KCNH7: variants seen among roughly 807,000 people sequenced by gnomAD.
KCNH7 encodes potassium voltage-gated channel subfamily H member 7.
In KCNH7, 49 loss-of-function variants were observed where a neutral mutation model predicts 120.8. The ratio of observed to expected loss-of-function variants is 0.41; its 90% CI spans 0.32 to 0.51. KCNH7 has a LOEUF of 0.51. Ranked by LOEUF, KCNH7 falls within the 20% of genes least tolerant of loss-of-function variation. KCNH7 has a pLI of 0.38. For synonymous variants in KCNH7, 547 were observed against 516.1 expected (o/e 1.06, Z -0.81); for missense variants, 1,097 against 1,446.6 (o/e 0.76, Z 3.92).
At chr2:162,619,245 C>G (rs1406783568) in intron 2 of KCNH7, among the ~76,000 whole-genome samples, 1 of 151,748 alleles carries the variant, frequency 6.6e-6, no homozygotes, top group Non-Finnish European at 1.5e-5. Context: ...AGATGTGTCC[C>G]CCAAAATAAA....
At chr2:162,775,848 C>G (rs1683215438) in intron 2 of KCNH7, among the ~76,000 whole-genome samples, 1 of 152,176 alleles carries the variant, frequency 6.6e-6, no homozygotes, top group African/African-American at 2.4e-5. Context: ...ATTCAGCATA[C>G]AGATCAACAG....
In KCNH7 at chr2:162,455,035, G is replaced by T. The variant is rs906532317; in HGVS notation, c.1129-8592C>A. Among the ~76,000 whole-genome samples, 10 of 151,998 alleles carry T rather than the reference G, an allele frequency of 6.6e-5. 1 individual carries two copies. Among genetic ancestry groups the T allele is most frequent in the Non-Finnish European group, 1.2e-4 (8 of 67,916 alleles). On this transcript the variant is annotated intron_variant, in intron 6 of 15. Coordinates refer to ENST00000332142, the MANE Select transcript of KCNH7 (RefSeq NM_033272.4). ...TGTGTCAGTTTCCAAAGGGAATGCTGCCTGCATTTGCCTACTCAGTATGAT... is the reference window on the plus strand; with the variant it reads ...TGTGTCAGTTTCCAAAGGGAATGCTTCCTGCATTTGCCTACTCAGTATGAT...
chr2:162,382,863 G>A (rs1367280482), intron 13 of KCNH7, among the ~76,000 whole-genome samples: 2 of 151,936 alleles, frequency 1.3e-5, no homozygotes, highest in African/African-American at 4.8e-5. Context: ...CTAACCATGT[G>A]TTACACTGAT....
At chr2:162,809,351 T>C (rs1275462390) in intron 2 of KCNH7, among the ~76,000 whole-genome samples, 3 of 152,200 alleles carry the variant, frequency 2.0e-5, no homozygotes, top group Non-Finnish European at 4.4e-5. Flanking sequence ...TGTGAATTTA[T>C]GAAGAATTAG....
At chr2:162,747,876 A>T (rs1323475611) in intron 2 of KCNH7, among the ~76,000 whole-genome samples, 1 of 152,206 alleles carries the variant, frequency 6.6e-6, no homozygotes, top group East Asian at 1.9e-4. Flanking sequence ...GTGGTCCAGA[A>T]GGAAGATGCA....
chr2:162,524,622 C>T lies in KCNH7; in HGVS notation c.464-6464G>A, dbSNP rs142013550. On this transcript the variant is annotated intron_variant, in intron 3 of 15. Coordinates refer to ENST00000332142, the MANE Select transcript of KCNH7 (RefSeq NM_033272.4). ...TCTAATGTCAGAGTACTTACAAGCC[C>T]GACATTAAATTTGAAGCCTTAAAAT... is the stretch of plus-strand genomic sequence containing the variant. 3.5e-3 allele frequency among the ~76,000 whole-genome samples: 539 copies of T among 151,986 alleles called. 3 individuals are homozygous for T. Among genetic ancestry groups the T allele is most frequent in the African/African-American group, 0.013 (522 of 41,508 alleles).
intron 6 of KCNH7, among the ~76,000 whole-genome samples, chr2:162,465,350 T>A (rs1203504327): frequency 6.6e-6 from 1 of 152,150 alleles, no homozygotes; most frequent in Non-Finnish European, 1.5e-5. Context: ...ATTGCGTTGG[T>A]GATATTAAAT....
chr2:162,831,238 T>C (rs1685466443), intron 2 of KCNH7, among the ~76,000 whole-genome samples: 1 of 152,168 alleles, frequency 6.6e-6, no homozygotes, highest in South Asian at 2.1e-4. Context: ...ATTTAATATA[T>C]AAAATTTACT....
At position 162,722,912 on chromosome 2, in the gene KCNH7, C is replaced by A. The variant is rs1215626992; in HGVS notation, c.307+113625G>T. The stretch of plus-strand genomic sequence containing the variant: ...ACCTAATCTAGTCTGCTGCTGAAAT[C>A]TTCTAGTGAATGTTTCAATTCAGTT... On this transcript the variant is annotated intron_variant, in intron 2 of 15. Coordinates refer to ENST00000332142, the MANE Select transcript of KCNH7 (RefSeq NM_033272.4). 1.4e-5 allele frequency among the ~76,000 whole-genome samples: 2 copies of A among 138,130 alleles called. 1 individual carries two copies. 90.6% of individuals were successfully genotyped at this position (138,130 alleles called of 152,430 possible).
intron 4 of KCNH7, among the ~76,000 whole-genome samples, chr2:162,516,869 C>A (rs1399399814): frequency 6.6e-6 from 1 of 151,726 alleles, no homozygotes; most frequent in Non-Finnish European, 1.5e-5. Context: ...GCTCTGTAAC[C>A]TTAGTCTAGT....
intron 2 of KCNH7, among the ~76,000 whole-genome samples, chr2:162,749,907 A>C (rs1480400775): frequency 6.6e-6 from 1 of 152,212 alleles, no homozygotes; most frequent in Non-Finnish European, 1.5e-5. Context: ...AAATGAAATA[A>C]ATTCTATAAT....
At position 162,371,544 on chromosome 2, in the gene KCNH7, A is replaced by C; in HGVS notation, c.*285T>G. 10 of 982,130 alleles carry C rather than the reference A, an allele frequency of 1.0e-5. No individual in the cohort carries two copies. Among genetic ancestry groups the C allele is most frequent in the Non-Finnish European group, 1.3e-5 (10 of 751,162 alleles). The allele number at this position is 982,130 out of a possible 1,614,324, so 60.8% of individuals were successfully genotyped here. On this transcript the variant is annotated 3_prime_UTR_variant, in exon 16 of 16. Transcript: ENST00000332142. Reference sequence around the variant, plus strand: ...TAAATAGGAGTCTCCATGCAAGAGAAATTGGAGTTTCCTAACATGCATGTG... The same window carrying C: ...TAAATAGGAGTCTCCATGCAAGAGACATTGGAGTTTCCTAACATGCATGTG...
chr2:162,674,567 AG>A (rs1685472332), intron 2 of KCNH7, among the ~76,000 whole-genome samples: 1 of 151,756 alleles, frequency 6.6e-6, no homozygotes, highest in Non-Finnish European at 1.5e-5. Flanking sequence ...GAATAAATTT[AG>A]GGGATCTATC....
At chr2:162,822,518 CAAT>C (rs1559150151) in intron 2 of KCNH7, among the ~76,000 whole-genome samples, 1 of 152,116 alleles carries the variant, frequency 6.6e-6, no homozygotes, top group Admixed American at 6.6e-5. Context: ...CCAGTGTTCA[CAAT>C]ATGAAACATT....
chr2:162,572,819 T>TG (rs1396186222), intron 2 of KCNH7, among the ~76,000 whole-genome samples: 24 of 150,540 alleles, frequency 1.6e-4, no homozygotes, highest in African/African-American at 5.4e-4. Context: ...ACACCGCATA[T>TG]TCTCACTCAT....
intron 2 of KCNH7, among the ~76,000 whole-genome samples, chr2:162,610,980 C>T (rs973801397): frequency 6.6e-5 from 10 of 152,178 alleles, no homozygotes; most frequent in Admixed American, 4.6e-4. Context: ...TCCTGCTCCC[C>T]GTAGGGACAC....
At chr2:162,734,866 G>C (rs71424752) in intron 2 of KCNH7, among the ~76,000 whole-genome samples, 1 of 152,158 alleles carries the variant, frequency 6.6e-6, no homozygotes, top group African/African-American at 2.4e-5. Context: ...GGACTGGAGA[G>C]AGTGGTGTTA....
At chr2:162,454,418 T>C (rs1006545188) in intron 6 of KCNH7, among the ~76,000 whole-genome samples, 2 of 152,210 alleles carry the variant, frequency 1.3e-5, no homozygotes, top group Non-Finnish European at 2.9e-5. Flanking sequence ...TGCTTAGGAT[T>C]GTCTTGGCTA....
chr2:162,804,592 C>G (rs1160405623), intron 2 of KCNH7, among the ~76,000 whole-genome samples: 1 of 151,818 alleles, frequency 6.6e-6, no homozygotes, highest in African/African-American at 2.4e-5. Flanking sequence ...TGAAAGAATT[C>G]ATAGATGACA....
Sources: gnomAD v4.1 joint callset for allele counts (sites outside exome capture counted in the v4.1 genomes callset) on GRCh38, gnomAD v4.1.1 for gene constraint, MANE v1.5 for transcripts, NCBI Gene and HGNC (gene_info 2026-07-23, HGNC 2026-07-21) for gene names.